The following ARHGEF38 variants were observed in gnomAD, a reference collection of about 807,000 sequenced individuals.
The protein encoded by ARHGEF38 is Rho guanine nucleotide exchange factor (GEF) 38.
ARHGEF38 carries 79 observed loss-of-function variants against 79.9 expected under a neutral mutation model. The ratio of observed to expected loss-of-function variants is 0.99; its 90% confidence interval spans 0.82 to 1.19. The LOEUF is 1.19. ARHGEF38 is among the 50% of genes most tolerant of loss of function. The pLI, the probability that ARHGEF38 is intolerant of heterozygous loss-of-function variation, is 0.00. For missense variants in ARHGEF38, 962 were observed against 907.2 expected (o/e 1.06, Z -0.78); for synonymous variants, 366 against 328.3 (o/e 1.11, Z -1.24).
At chr4:105,553,477 A>C (rs1041057367) in intron 1 of ARHGEF38, among the ~76,000 whole-genome samples, 2 of 152,200 alleles carry the variant, frequency 1.3e-5, no homozygotes, top group Non-Finnish European at 2.9e-5. Context: ...ACGGTATAAA[A>C]AGATTTGCTG....
At chr4:105,665,234 C>T (rs1269637647) in intron 10 of ARHGEF38, among the ~76,000 whole-genome samples, 6 of 151,906 alleles carry the variant, frequency 3.9e-5, no homozygotes, top group Non-Finnish European at 4.4e-5. Flanking sequence ...GTCACTTATG[C>T]CTGTGATCCC....
chr4:105,653,442 C>T (rs1160532352), intron 7 of ARHGEF38, among the ~76,000 whole-genome samples: 1 of 151,908 alleles, frequency 6.6e-6, no homozygotes, highest in Non-Finnish European at 1.5e-5. Context: ...CCTGCCTCAG[C>T]CTCCTGAGTA....
At chr4:105,607,872 T>C (rs769553693) in intron 2 of ARHGEF38, among the ~76,000 whole-genome samples, 1 of 152,078 alleles carries the variant, frequency 6.6e-6, no homozygotes, top group Non-Finnish European at 1.5e-5. Context: ...AGGCTTAGCT[T>C]TCCTCTTTGT....
chr4:105,655,587 T>C lies in ARHGEF38; in HGVS notation c.1114-16T>C. On this transcript the variant is annotated splice_polypyrimidine_tract_variant and intron_variant, in intron 8 of 13. Coordinates refer to ENST00000420470, the MANE Select transcript of ARHGEF38 (RefSeq NM_001242729.2). The stretch of plus-strand genomic sequence containing the variant: ...TCAAAACTTGCCTTTTTTGTAACTT[T>C]GTTCTTGGGTTTCAGGATGCCATGC... The C allele has an allele frequency of 6.5e-7, 1 of 1,532,864 alleles. No individual in the cohort carries two copies. Among genetic ancestry groups the C allele is most frequent in the African/African-American group, 1.4e-5 (1 of 73,036 alleles). The allele number at this position is 1,532,864 out of a possible 1,614,324, so 95.0% of individuals were successfully genotyped here. A position where few individuals can be genotyped will look rare whatever the true frequency, so the allele number is the denominator to read the frequency against.
chr4:105,675,638 C>T (rs1338301999), intron 13 of ARHGEF38, among the ~76,000 whole-genome samples: 4 of 152,114 alleles, frequency 2.6e-5, no homozygotes, highest in South Asian at 2.1e-4. Flanking sequence ...AAATGTGTGT[C>T]TTAGTGCATT....
At chr4:105,565,277 C>A (rs571655843) in intron 1 of ARHGEF38, among the ~76,000 whole-genome samples, 2 of 152,298 alleles carry the variant, frequency 1.3e-5, no homozygotes, top group Non-Finnish European at 2.9e-5. Flanking sequence ...CTCACTGGCT[C>A]CCCTCCAAAC....
chr4:105,610,949 A>G (rs1198226410), intron 2 of ARHGEF38, among the ~76,000 whole-genome samples: 2 of 152,066 alleles, frequency 1.3e-5, no homozygotes, highest in Non-Finnish European at 2.9e-5. Context: ...CAGAGATAGT[A>G]AAGTACTCTA....
intron 5 of ARHGEF38, among the ~76,000 whole-genome samples, chr4:105,638,483 C>A (rs1404745324): frequency 6.6e-6 from 1 of 151,984 alleles, no homozygotes. Flanking sequence ...CCTTGGATTT[C>A]AAGGTTCCTA....
intron 1 of ARHGEF38, among the ~76,000 whole-genome samples, chr4:105,557,179 A>G (rs1310839542): frequency 6.6e-6 from 1 of 152,128 alleles, no homozygotes; most frequent in Admixed American, 6.6e-5. Flanking sequence ...TTAAATAGTT[A>G]TACAGAACTG....
At chr4:105,589,020 C>T (rs1469150853) in intron 1 of ARHGEF38, among the ~76,000 whole-genome samples, 1 of 152,170 alleles carries the variant, frequency 6.6e-6, no homozygotes, top group Admixed American at 6.6e-5. Flanking sequence ...AAAGAAGCCA[C>T]GATAATTGAG....
intron 7 of ARHGEF38, among the ~76,000 whole-genome samples, chr4:105,650,376 A>G (rs990681213): frequency 1.3e-5 from 2 of 152,114 alleles, no homozygotes; most frequent in African/African-American, 4.8e-5. Flanking sequence ...CCACATCCTT[A>G]TCTAATTCTT....
chr4:105,628,515 G>T (rs1729044997), intron 3 of ARHGEF38, among the ~76,000 whole-genome samples: 1 of 152,132 alleles, frequency 6.6e-6, no homozygotes, highest in African/African-American at 2.4e-5. Context: ...TACTGTTTGT[G>T]TTGTTATCAG....
chr4:105,640,332 G>A (rs1400560561), intron 5 of ARHGEF38, among the ~76,000 whole-genome samples: 1 of 151,954 alleles, frequency 6.6e-6, no homozygotes, highest in Non-Finnish European at 1.5e-5. Flanking sequence ...TTTTCATTGT[G>A]CCCTCCTCCT....
At chr4:105,618,315 G>A (rs1728590221) in intron 3 of ARHGEF38, among the ~76,000 whole-genome samples, 1 of 152,154 alleles carries the variant, frequency 6.6e-6, no homozygotes, top group African/African-American at 2.4e-5. Flanking sequence ...AAGGACAGCT[G>A]TCCATTACAG....
chr4:105,613,333 C>A, intron 2 of ARHGEF38, 51 bp from the exon 3 acceptor site: 1 of 1,578,504 alleles, frequency 6.3e-7, no homozygotes, highest in Non-Finnish European at 8.6e-7. Flanking sequence ...GAGGAGAAAA[C>A]ATCCTAAATA....
intron 1 of ARHGEF38, among the ~76,000 whole-genome samples, chr4:105,579,912 C>A (rs1726699047): frequency 6.6e-6 from 1 of 152,042 alleles, no homozygotes; most frequent in Admixed American, 6.6e-5. Context: ...TTTTGGAGCT[C>A]ATTATTGGTC....
At chr4:105,626,028 G>A (rs1175359399) in intron 3 of ARHGEF38, among the ~76,000 whole-genome samples, 2 of 151,980 alleles carry the variant, frequency 1.3e-5, no homozygotes, top group African/African-American at 4.8e-5. Flanking sequence ...CTCTCGCATG[G>A]CCACATAAAT....
intron 13 of ARHGEF38, among the ~76,000 whole-genome samples, chr4:105,668,321 A>G (rs897385742): frequency 5.9e-5 from 9 of 152,078 alleles, no homozygotes; most frequent in African/African-American, 2.2e-4. Context: ...AGCTGGGACT[A>G]CAGGTACACG....
intron 3 of ARHGEF38, among the ~76,000 whole-genome samples, chr4:105,621,728 A>T (rs1053741348): frequency 4.6e-5 from 7 of 152,134 alleles, no homozygotes; most frequent in African/African-American, 1.4e-4. Context: ...ATTTTTCAGG[A>T]TTATTATTGT....
Sources: allele counts gnomAD v4.1 joint callset (sites outside exome capture counted in the v4.1 genomes callset), GRCh38; gene constraint gnomAD v4.1.1; transcripts MANE v1.5; gene names NCBI Gene and HGNC (gene_info 2026-07-23, HGNC 2026-07-21).